The following FNIP2 variants were observed in gnomAD, a reference collection of about 807,000 sequenced individuals.
The protein encoded by FNIP2 is folliculin-interacting protein 2.
FNIP2 carries 32 observed loss-of-function variants against 108.7 expected under a neutral mutation model. The ratio of observed to expected loss-of-function variants is 0.29; its 90% CI spans 0.22 to 0.40. The LOEUF (loss-of-function observed/expected upper bound fraction) is 0.40, where lower values mean the gene tolerates loss of function less well. FNIP2 is among the 10% of genes least tolerant of loss of function. FNIP2 has a pLI of 1.00. For synonymous variants in FNIP2, 480 were observed against 496.7 expected (o/e 0.97, Z 0.45); for missense variants, 1,202 against 1,381.6 (o/e 0.87, Z 2.06).
chr4:158,870,251 T>G, intron 13 of FNIP2, 62 bp from the exon 14 acceptor site: 3 of 1,563,656 alleles, frequency 1.9e-6, no homozygotes, highest in Admixed American at 3.4e-5. Flanking sequence ...TTGTACCAAT[T>G]ATAATGAAAG....
intron 1 of FNIP2, among the ~76,000 whole-genome samples, chr4:158,796,255 G>A (rs984242220): frequency 5.3e-5 from 8 of 152,088 alleles, no homozygotes; most frequent in South Asian, 4.1e-4. Flanking sequence ...TTAAATGAGC[G>A]GTACTTTAGA....
chr4:158,905,896 C>A lies in FNIP2; in HGVS notation c.*1352C>A, dbSNP rs978708280. 1.5e-4 allele frequency: 23 copies of A among 152,174 alleles called. No homozygotes were observed. Among genetic ancestry groups the A allele is most frequent in the Admixed American group, 6.5e-5 (1 of 15,278 alleles). 9.4% of individuals were successfully genotyped at this position (152,174 alleles called of 1,614,324 possible). ...TCAAGCAGTTAACCAGGCTCTGATTCCCTTCCACTGTTTTATGAATTAATT... is the reference window on the plus strand; with the variant it reads ...TCAAGCAGTTAACCAGGCTCTGATTACCTTCCACTGTTTTATGAATTAATT... On this transcript the variant is annotated 3_prime_UTR_variant, in exon 17 of 17. Coordinates refer to ENST00000264433, the MANE Select transcript of FNIP2 (RefSeq NM_020840.3).
intron 1 of FNIP2, among the ~76,000 whole-genome samples, chr4:158,794,905 A>G (rs772586525): frequency 2.6e-5 from 4 of 152,226 alleles, no homozygotes; most frequent in Non-Finnish European, 5.9e-5. Flanking sequence ...CGAAGTTGTT[A>G]GTATACCTGA....
At chr4:158,803,584 T>C (rs926668380) in intron 1 of FNIP2, among the ~76,000 whole-genome samples, 1 of 152,244 alleles carries the variant, frequency 6.6e-6, no homozygotes, top group African/African-American at 2.4e-5. Flanking sequence ...TTTGAAGTCA[T>C]GTAGAGACAT....
intron 14 of FNIP2, among the ~76,000 whole-genome samples, chr4:158,885,603 A>C (rs1406479051): frequency 1.3e-5 from 2 of 152,220 alleles, no homozygotes; most frequent in Non-Finnish European, 2.9e-5. Context: ...GGTTCAGGAC[A>C]GCAGGACGAA....
Position 158,868,619 on chromosome 4 carries a change from C to G in FNIP2, c.1983C>G (p.Gly661=). The G allele has an allele frequency of 1.2e-6, 2 of 1,613,956 alleles. No homozygotes were observed. The highest frequency in any genetic ancestry group is 1.7e-6 in the Non-Finnish European group (2 of 1,179,868). Residue 661 remains glycine, a synonymous_variant, in exon 13 of 17, where the codon GGC becomes GGG. Transcript: ENST00000264433. This position sits in a 1 kb window ranked among gnomAD's most constrained non-coding sequence, Gnocchi z 4.6. ...DEKNKEAPQD[G]SSRLPSCEVL... ...AAAATAAAGAGGCACCGCAAGATGGCTCTTCAAGACTTCCCAGCTGTGAAG... is the reference window on the plus strand; with the variant it reads ...AAAATAAAGAGGCACCGCAAGATGGGTCTTCAAGACTTCCCAGCTGTGAAG...
At chr4:158,801,200 G>A (rs911204223) in intron 1 of FNIP2, among the ~76,000 whole-genome samples, 15 of 152,228 alleles carry the variant, frequency 9.9e-5, no homozygotes, top group African/African-American at 3.1e-4. Flanking sequence ...CTGGGGAGGC[G>A]GTAGGGGCCG....
At chr4:158,866,310 C>G (rs1162491000) in intron 12 of FNIP2, among the ~76,000 whole-genome samples, 2 of 133,742 alleles carry the variant, frequency 1.5e-5, no homozygotes, top group Non-Finnish European at 3.1e-5. Context: ...CCTCTGCCTC[C>G]CGGGCTCAAG....
chr4:158,892,012 G>T (rs1172010681), intron 15 of FNIP2, among the ~76,000 whole-genome samples: 1 of 152,110 alleles, frequency 6.6e-6, no homozygotes, highest in Non-Finnish European at 1.5e-5. Flanking sequence ...TGAAGGGATT[G>T]TAGTTCCTTT....
chr4:158,779,121 T>TA lies in FNIP2; in HGVS notation c.107+9805dup, dbSNP rs1578813830. On this transcript the variant is annotated intron_variant, in intron 1 of 16. Transcript: ENST00000264433. ...CTAGTTCAACATGTGTGCAGATTGT[T>TA]AAACTCTTTTACAGCTCAATTTGGC... Among the ~76,000 whole-genome samples, 5 of 152,336 alleles carry TA rather than the reference T, an allele frequency of 3.3e-5. No individual in the cohort carries two copies. In the East Asian group the frequency reaches 9.6e-4, roughly 29 times the overall value.
chr4:158,829,515 A>G (rs901280523), intron 3 of FNIP2, among the ~76,000 whole-genome samples: 2 of 152,214 alleles, frequency 1.3e-5, no homozygotes, highest in African/African-American at 4.8e-5. Flanking sequence ...TCTCTGATCC[A>G]GAATAATAAA....
rs532123250 is a variant in FNIP2, at chr4:158,861,193, C to T, written c.1149-149C>T. Reference sequence around the variant, plus strand: ...TGGCAGTCAGATTTGGCCCGTGGGCCATAGTGTGCAACCCCTGTTATGTGT... The same window carrying T: ...TGGCAGTCAGATTTGGCCCGTGGGCTATAGTGTGCAACCCCTGTTATGTGT... On this transcript the variant is annotated intron_variant, in intron 10 of 16. Coordinates refer to ENST00000264433, the MANE Select transcript of FNIP2 (RefSeq NM_020840.3). 2.3e-5 allele frequency: 21 copies of T among 917,502 alleles called. No individual in the cohort carries two copies. In the African/African-American group the frequency reaches 3.3e-4, roughly 15 times the overall value. The allele number at this position is 917,502 out of a possible 1,614,324, so 56.8% of individuals were successfully genotyped here. A position where few individuals can be genotyped will look rare whatever the true frequency, so the allele number is the denominator to read the frequency against.
At chr4:158,833,398 G>T in intron 5 of FNIP2, 130 bp from the exon 6 acceptor site, 1 of 592,680 alleles carries the variant, frequency 1.7e-6, no homozygotes. Flanking sequence ...GTGAGACTTT[G>T]TTTATAAAGA....
In FNIP2 at chr4:158,899,371, A is replaced by G. The variant is rs566555028; in HGVS notation, c.3266+3506A>G. On this transcript the variant is annotated intron_variant, in intron 16 of 16. Coordinates refer to ENST00000264433, the MANE Select transcript of FNIP2 (RefSeq NM_020840.3). The stretch of plus-strand genomic sequence containing the variant: ...GATGATGCTGGCCTGGCCTCATAAA[A>G]TGAGTTAGGCAGAAGTCCCTCTTTT... 2.0e-5 allele frequency among the ~76,000 whole-genome samples: 3 copies of G among 152,344 alleles called. No homozygotes were observed. In the South Asian group the frequency reaches 6.2e-4, roughly 32 times the overall value.
intron 8 of FNIP2, among the ~76,000 whole-genome samples, chr4:158,855,001 A>G (rs1779905225): frequency 6.6e-6 from 1 of 152,152 alleles, no homozygotes; most frequent in African/African-American, 2.4e-5. Context: ...AAAGAGGCTC[A>G]TGTTTTTTTG....
chr4:158,830,541 C>T (rs1009765059), intron 3 of FNIP2, among the ~76,000 whole-genome samples: 1 of 152,202 alleles, frequency 6.6e-6, no homozygotes, highest in Non-Finnish European at 1.5e-5. Flanking sequence ...GGATCACAGG[C>T]GTGAGCCACC....
chr4:158,870,003 T>G (rs2126708294), intron 13 of FNIP2, among the ~76,000 whole-genome samples: 1 of 152,370 alleles, frequency 6.6e-6, no homozygotes, highest in Non-Finnish European at 1.5e-5. Flanking sequence ...AAAGCCAGGC[T>G]TTTGGCAAGA....
intron 14 of FNIP2, chr4:158,871,448 T>G: frequency 8.1e-6 from 8 of 985,406 alleles, no homozygotes; most frequent in Non-Finnish European, 9.6e-6. Context: ...GCATGTTATC[T>G]TTGGCCTTGA....
intron 14 of FNIP2, 121 bp downstream of exon 14, chr4:158,870,590 A>C (rs1578949267): frequency 1.5e-6 from 2 of 1,300,152 alleles, no homozygotes; most frequent in East Asian, 5.1e-5. Flanking sequence ...AGATGTGGGC[A>C]GGGTTATGGG....
Sources: gnomAD v4.1 joint callset for allele counts (sites outside exome capture counted in the v4.1 genomes callset) on GRCh38, gnomAD v4.1.1 for gene constraint, Gnocchi (gnomAD v3.1) non-coding constraint, MANE v1.5 for transcripts, NCBI Gene and HGNC (gene_info 2026-07-23, HGNC 2026-07-21) for gene names.